Variants in COMMD1 observed in about 807,000 individuals in gnomAD.
COMMD1 encodes copper metabolism domain containing 1.
COMMD1 carries 10 observed loss-of-function variants against 17.2 expected under a neutral mutation model. That is an observed-to-expected ratio of 0.58 (90% CI 0.36 to 0.99). The LOEUF (loss-of-function observed/expected upper bound fraction) is 0.99. Ranked by LOEUF, COMMD1 falls within the 50% of genes least tolerant of loss-of-function variation. COMMD1 has a pLI of 0.01. For missense variants in COMMD1, 270 were observed against 231.8 expected, an observed-to-expected ratio of 1.17 and a Z score of -1.07; for synonymous variants, 97 against 91.6, an observed-to-expected ratio of 1.06 and a Z score of -0.34.
chr2:62,096,371 T>C (rs1306319233), intron 2 of COMMD1, among the ~76,000 whole-genome samples: 4 of 152,238 alleles, frequency 2.6e-5, no homozygotes, highest in Admixed American at 1.3e-4. Context: ...ATGAACAGCT[T>C]TCACCAACAA....
chr2:62,003,063 T>A (rs1456778407), intron 2 of COMMD1, among the ~76,000 whole-genome samples: 4 of 148,188 alleles, frequency 2.7e-5, no homozygotes, highest in Non-Finnish European at 6.0e-5. Context: ...GGAAACCCCA[T>A]CTCTACTAAA....
At chr2:61,891,750 A>G (rs1416978719) in intron 1 of COMMD1, among the ~76,000 whole-genome samples, 2 of 151,738 alleles carry the variant, frequency 1.3e-5, no homozygotes, top group African/African-American at 2.4e-5. Context: ...AAACATAAAC[A>G]CTTGTGTAGA....
chr2:61,967,216 A>G (rs912914599), intron 1 of COMMD1, among the ~76,000 whole-genome samples: 1 of 152,220 alleles, frequency 6.6e-6, no homozygotes, highest in African/African-American at 2.4e-5. Context: ...AGTGCTTCTT[A>G]CATTTAAGAA....
chr2:62,034,530 G>A (rs1290427629), intron 2 of COMMD1, among the ~76,000 whole-genome samples: 1 of 152,066 alleles, frequency 6.6e-6, no homozygotes, highest in Non-Finnish European at 1.5e-5. Flanking sequence ...GTGAAGACTG[G>A]TGTACCTACC....
intron 1 of COMMD1, among the ~76,000 whole-genome samples, chr2:61,919,202 G>A (rs1235071555): frequency 2.6e-5 from 4 of 152,118 alleles, no homozygotes; most frequent in Admixed American, 2.0e-4. Flanking sequence ...GTAGAGACAG[G>A]GTTTCTCCAT....
At chr2:61,976,934 T>G (rs1187998032) in intron 1 of COMMD1, among the ~76,000 whole-genome samples, 1 of 151,712 alleles carries the variant, frequency 6.6e-6, no homozygotes, top group African/African-American at 2.4e-5. Flanking sequence ...GTTGAAGCAA[T>G]TCTTCTGCCT....
chr2:61,893,625 C>G (rs1669486383), intron 1 of COMMD1, among the ~76,000 whole-genome samples: 1 of 152,016 alleles, frequency 6.6e-6, no homozygotes, highest in African/African-American at 2.4e-5. Context: ...ACCAGCCTGG[C>G]CAACGTGGTG....
chr2:61,966,961 A>G (rs1165116139), intron 1 of COMMD1, among the ~76,000 whole-genome samples: 2 of 152,036 alleles, frequency 1.3e-5, no homozygotes, highest in Admixed American at 1.3e-4. Flanking sequence ...CTCTTCCATG[A>G]AGAGCAGTAA....
chr2:62,013,389 A>T (rs1336173480), intron 2 of COMMD1, among the ~76,000 whole-genome samples: 1 of 152,244 alleles, frequency 6.6e-6, no homozygotes, highest in Non-Finnish European at 1.5e-5. Context: ...ATGAGTTTAC[A>T]TGGACTTCTC....
At chr2:62,021,718 G>T (rs778033863) in intron 2 of COMMD1, among the ~76,000 whole-genome samples, 18 of 152,200 alleles carry the variant, frequency 1.2e-4, no homozygotes, top group Non-Finnish European at 2.1e-4. Context: ...CACCACTCCA[G>T]AGGCAAAGTT....
At chr2:62,013,969 A>C (rs973039240) in intron 2 of COMMD1, among the ~76,000 whole-genome samples, 2 of 152,234 alleles carry the variant, frequency 1.3e-5, no homozygotes, top group Admixed American at 6.5e-5. Flanking sequence ...AGAGAGATGC[A>C]CTTGAGATTA....
intron 2 of COMMD1, among the ~76,000 whole-genome samples, chr2:62,033,414 A>G (rs548262265): frequency 6.6e-6 from 1 of 152,314 alleles, no homozygotes; most frequent in East Asian, 1.9e-4. Context: ...ATGTTGAATT[A>G]GGATAGCCTT....
chr2:61,927,450 T>G lies in COMMD1; in HGVS notation c.180+21592T>G, dbSNP rs569874335. On this transcript the variant is annotated intron_variant, in intron 1 of 2. Coordinates refer to ENST00000311832, the MANE Select transcript of COMMD1 (RefSeq NM_152516.4). ...CTGTGCAGCCCAGGCTGGAGTGCAG[T>G]GGCGCGATGTCAGCTCACTGCACAC... 6.6e-5 allele frequency among the ~76,000 whole-genome samples: 10 copies of G among 152,156 alleles called. No homozygotes were observed. The South Asian group carries it at 2.1e-3, about 32-fold the overall frequency.
At chr2:61,959,537 C>G (rs1671284999) in intron 1 of COMMD1, among the ~76,000 whole-genome samples, 2 of 152,064 alleles carry the variant, frequency 1.3e-5, no homozygotes, top group Admixed American at 1.3e-4. Flanking sequence ...AGATATTTCC[C>G]CATTTTACAG....
chr2:62,121,536 G>A (rs1344950042), intron 2 of COMMD1, among the ~76,000 whole-genome samples: 9 of 151,438 alleles, frequency 5.9e-5, no homozygotes, highest in African/African-American at 1.9e-4. Flanking sequence ...TCAGGAGTTC[G>A]AGACCAGCCT....
At chr2:62,062,866 T>C (rs964570441) in intron 2 of COMMD1, among the ~76,000 whole-genome samples, 2 of 151,808 alleles carry the variant, frequency 1.3e-5, no homozygotes, top group African/African-American at 2.4e-5. Flanking sequence ...GCCCAGGAGT[T>C]CGTGACCAGC....
intron 1 of COMMD1, among the ~76,000 whole-genome samples, chr2:61,924,873 C>T (rs113650904): frequency 4.6e-5 from 7 of 152,110 alleles, no homozygotes; most frequent in African/African-American, 1.7e-4. Context: ...CAGGAGAGGG[C>T]GTCCCCTTTC....
chr2:61,963,850 C>G (rs559666954), intron 1 of COMMD1, among the ~76,000 whole-genome samples: 1 of 152,188 alleles, frequency 6.6e-6, no homozygotes, highest in African/African-American at 2.4e-5. Context: ...TTGCACTTTA[C>G]CTACCAGTTT....
intron 2 of COMMD1, among the ~76,000 whole-genome samples, chr2:62,050,212 A>G (rs1670499048): frequency 6.6e-6 from 1 of 152,228 alleles, no homozygotes; most frequent in Non-Finnish European, 1.5e-5. Flanking sequence ...CATTGCAAAA[A>G]TAAGTATGCT....
Sources: allele counts gnomAD v4.1 joint callset (sites outside exome capture counted in the v4.1 genomes callset), GRCh38; gene constraint gnomAD v4.1.1; transcripts MANE v1.5; gene names NCBI Gene and HGNC (gene_info 2026-07-23, HGNC 2026-07-21).